Variants in ZFHX3 observed in about 807,000 individuals in gnomAD.
ZFHX3 encodes zinc finger homeobox 3, also known as zinc finger homeobox protein 3.
In ZFHX3, 42 loss-of-function variants were observed where a neutral mutation model predicts 279.1. The ratio of observed to expected loss-of-function variants is 0.15; its 90% CI spans 0.12 to 0.19. The LOEUF (loss-of-function observed/expected upper bound fraction) is 0.19. Ranked by LOEUF, ZFHX3 falls within the 10% of genes least tolerant of loss-of-function variation. The pLI, the probability that ZFHX3 is intolerant of heterozygous loss-of-function variation, is 1.00. For synonymous variants in ZFHX3, 2,293 were observed against 1,957.8 expected, an observed-to-expected ratio of 1.17 and a Z score of -4.52; for missense variants, 4,981 against 4,754.0, an observed-to-expected ratio of 1.05 and a Z score of -1.40.
chr16:73,559,824 C>CATTA (rs1214854699), intron 2 of ZFHX3, among the ~76,000 whole-genome samples: 2 of 152,160 alleles, frequency 1.3e-5, no homozygotes, highest in African/African-American at 2.4e-5. Flanking sequence ...TAAGCAGCAG[C>CATTA]ATCTGGACCT....
chr16:73,137,995 TG>T (rs1376935349), intron 6 of ZFHX3, among the ~76,000 whole-genome samples: 3 of 152,170 alleles, frequency 2.0e-5, no homozygotes, highest in Non-Finnish European at 4.4e-5. Flanking sequence ...AGAAAATCCC[TG>T]TATTCTAATG....
intron 4 of ZFHX3, among the ~76,000 whole-genome samples, chr16:73,294,670 G>C (rs1010458955): frequency 6.6e-6 from 1 of 151,952 alleles, no homozygotes; most frequent in Non-Finnish European, 1.5e-5. Context: ...AATTTGCCGG[G>C]TGTGGTTGTG....
intron 5 of ZFHX3, among the ~76,000 whole-genome samples, chr16:73,175,343 G>T (rs1000249560): frequency 6.6e-6 from 1 of 152,088 alleles, no homozygotes; most frequent in South Asian, 2.1e-4. Flanking sequence ...TTGCACCACT[G>T]CACTCTAGCC....
chr16:73,042,199 G>C (rs1402876362), intron 1 of ZFHX3, among the ~76,000 whole-genome samples: 1 of 152,088 alleles, frequency 6.6e-6, no homozygotes, highest in Admixed American at 6.5e-5. Flanking sequence ...TTTTTCAGGG[G>C]ATGCAGGGCT....
intron 1 of ZFHX3, among the ~76,000 whole-genome samples, chr16:72,977,894 C>T (rs1406380054): frequency 1.3e-5 from 2 of 151,654 alleles, no homozygotes; most frequent in Admixed American, 6.6e-5. Flanking sequence ...GACAGAGTCT[C>T]ACTCTTGTTG....
intron 4 of ZFHX3, among the ~76,000 whole-genome samples, chr16:72,858,167 C>G (rs1041689252): frequency 6.6e-6 from 1 of 152,244 alleles, no homozygotes; most frequent in Non-Finnish European, 1.5e-5. Flanking sequence ...GTCAACACCT[C>G]TCACCACAAG....
intron 2 of ZFHX3, among the ~76,000 whole-genome samples, chr16:73,508,690 G>C (rs2019370287): frequency 1.3e-5 from 2 of 152,190 alleles, no homozygotes. Context: ...ACAGCCCAGA[G>C]AGAATAGTAC....
At chr16:72,893,644 C>T (rs1437803838) in intron 3 of ZFHX3, among the ~76,000 whole-genome samples, 1 of 152,156 alleles carries the variant, frequency 6.6e-6, no homozygotes, top group Admixed American at 6.5e-5. Flanking sequence ...ATTCTGTCTG[C>T]CACTTTGAGA....
chr16:73,286,649 A>G (rs2014606939), intron 4 of ZFHX3, among the ~76,000 whole-genome samples: 1 of 127,198 alleles, frequency 7.9e-6, no homozygotes, highest in Admixed American at 7.8e-5. Flanking sequence ...GTGTGGGTGT[A>G]TAGGTTTGTG....
intron 1 of ZFHX3, among the ~76,000 whole-genome samples, chr16:73,751,647 C>T (rs1393739195): frequency 6.6e-6 from 1 of 152,104 alleles, no homozygotes; most frequent in African/African-American, 2.4e-5. Flanking sequence ...AATACAAATG[C>T]ATAGTTTTAT....
At chr16:73,604,493 C>G in intron 2 of ZFHX3, among the ~76,000 whole-genome samples, 1 of 152,114 alleles carries the variant, frequency 6.6e-6, no homozygotes. Context: ...CGCCTGTAAT[C>G]CCAGCACTTT....
intron 2 of ZFHX3, among the ~76,000 whole-genome samples, chr16:73,468,097 C>T (rs2018603311): frequency 6.6e-6 from 1 of 152,218 alleles, no homozygotes; most frequent in African/African-American, 2.4e-5. Flanking sequence ...CAGTCCCAAA[C>T]AACTGACTTA....
intron 4 of ZFHX3, among the ~76,000 whole-genome samples, chr16:73,275,294 G>A (rs2014264582): frequency 6.6e-6 from 1 of 152,160 alleles, no homozygotes; most frequent in South Asian, 2.1e-4. Flanking sequence ...GTGAGTCAAT[G>A]TGTGAATTTA....
chr16:73,008,910 ACG>A (rs748329720), intron 1 of ZFHX3, among the ~76,000 whole-genome samples: 2 of 62,760 alleles, frequency 3.2e-5, no homozygotes, highest in Non-Finnish European at 6.2e-5. Flanking sequence ...TAAAGTATAT[ACG>A]TGTGTGTGTG....
intron 7 of ZFHX3, among the ~76,000 whole-genome samples, chr16:73,106,609 T>C (rs1049350939): frequency 7.2e-5 from 11 of 152,230 alleles, no homozygotes; most frequent in African/African-American, 2.7e-4. Context: ...ATGCAAAATC[T>C]TGCACGGCAA....
Position 73,753,037 on chromosome 16 carries a change from T to C in ZFHX3, c.-1607-72797A>G, listed in dbSNP as rs142552225. Among the ~76,000 whole-genome samples the C allele has an allele frequency of 3.3e-3, 502 of 152,298 alleles. 7 individuals carry two copies. The highest frequency in any genetic ancestry group is 2.6e-3 in the Non-Finnish European group (179 of 68,022). ...TCATTTGTGGACCTGTGCATTTTTGTGTGTATTGTTGGTGATCTTGCTGCT... is the reference window on the plus strand; with the variant it reads ...TCATTTGTGGACCTGTGCATTTTTGCGTGTATTGTTGGTGATCTTGCTGCT... On this transcript the variant is annotated intron_variant, in intron 1 of 17. Coordinates refer to the ZFHX3 transcript ENST00000641206.
At chr16:73,520,568 T>A (rs2019592965) in intron 2 of ZFHX3, among the ~76,000 whole-genome samples, 1 of 152,206 alleles carries the variant, frequency 6.6e-6, no homozygotes, top group Admixed American at 6.5e-5. Flanking sequence ...TCCATCTGGC[T>A]CTCTCACCAC....
intron 5 of ZFHX3, among the ~76,000 whole-genome samples, chr16:73,248,343 T>C (rs1053812423): frequency 6.6e-6 from 1 of 151,762 alleles, no homozygotes; most frequent in South Asian, 2.1e-4. Context: ...AGAGTGTGTA[T>C]GTGTGTGTGG....
intron 3 of ZFHX3, among the ~76,000 whole-genome samples, chr16:73,339,722 TCTC>T (rs2143253540): frequency 6.6e-6 from 1 of 152,266 alleles, no homozygotes; most frequent in East Asian, 1.9e-4. Flanking sequence ...GGCAGGATGT[TCTC>T]CTGGTCATTT....
Sources: allele counts gnomAD v4.1 joint callset (sites outside exome capture counted in the v4.1 genomes callset), GRCh38; gene constraint gnomAD v4.1.1; transcripts MANE v1.5; gene names NCBI Gene and HGNC (gene_info 2026-07-23, HGNC 2026-07-21).